The following OR1L8 variants were observed in gnomAD, a reference collection of about 807,000 sequenced individuals.
OR1L8 encodes olfactory receptor family 1 subfamily L member 8, also known as olfactory receptor 1L8.
For synonymous variants in OR1L8, 148 were observed against 147.0 expected, an observed-to-expected ratio of 1.01 and a Z score of -0.05; for missense variants, 330 against 377.4, an observed-to-expected ratio of 0.87 and a Z score of 1.04.
chr9:122,548,180 T>TA, the OR1L8 span, among the ~76,000 whole-genome samples: 4 of 152,308 alleles, frequency 2.6e-5, no homozygotes, highest in South Asian at 4.1e-4. Context: ...AGGATGCAGT[T>TA]AGAGTTTGAA....
chr9:122,582,593 A>C (rs1588222149), intron 1 of OR1L8, among the ~76,000 whole-genome samples: 1 of 151,940 alleles, frequency 6.6e-6, no homozygotes, highest in East Asian at 1.9e-4. Flanking sequence ...AGTAGTACAC[A>C]CCTGTAGTCC....
intron 4 of OR1L8, among the ~76,000 whole-genome samples, chr9:122,569,386 G>A (rs570818093): frequency 4.8e-5 from 6 of 126,084 alleles, no homozygotes; most frequent in African/African-American, 1.2e-4. Flanking sequence ...TTTTCATCCC[G>A]ATCCAGTTAC....
rs115732569 is a variant in OR1L8, at chr9:122,582,102, G to A, written c.-600+1219C>T. 7.5e-3 allele frequency among the ~76,000 whole-genome samples: 1,139 copies of A among 152,182 alleles called. 16 individuals are homozygous for A. Among genetic ancestry groups the A allele is most frequent in the African/African-American group, 0.025 (1,054 of 41,528 alleles). The stretch of plus-strand genomic sequence containing the variant: ...ATAGTGTAAGAATTATTTTTTTTAA[G>A]TCTAATTTATTTTTGGAGATAGCAA... On this transcript the variant is annotated intron_variant, in intron 1 of 4. Transcript: ENST00000641027.
At chr9:122,562,040 T>A in the OR1L8 span, among the ~76,000 whole-genome samples, 1 of 151,660 alleles carries the variant, frequency 6.6e-6, no homozygotes, top group East Asian at 1.9e-4. Flanking sequence ...CTGGCGGGAG[T>A]TGTTGGAGTT....
the OR1L8 span, chr9:122,553,457 C>T: frequency 2.5e-6 from 4 of 1,614,158 alleles, no homozygotes; most frequent in Non-Finnish European, 3.4e-6. Flanking sequence ...CCTCCATCCC[C>T]AAAATGCTGG....
chr9:122,553,048 C>G, the OR1L8 span: 1 of 725,150 alleles, frequency 1.4e-6, no homozygotes, highest in Non-Finnish European at 2.4e-6. Flanking sequence ...CTTGCATTCC[C>G]AGTGAGATTC....
Position 122,574,688 on chromosome 9 carries a change from C to A in OR1L8, c.-341-1780G>T, listed in dbSNP as rs575487582. Among the ~76,000 whole-genome samples the A allele has an allele frequency of 7.2e-5, 11 of 152,026 alleles. No individual in the cohort carries two copies. The East Asian group carries it at 2.1e-3, about 29-fold the overall frequency. On this transcript the variant is annotated intron_variant, in intron 3 of 4. Transcript: ENST00000641027. ...AATCTGTATATCTTTTATTACTATTCTTGTCTTATTGCATTAGGTAGGATT... is the reference window on the plus strand; with the variant it reads ...AATCTGTATATCTTTTATTACTATTATTGTCTTATTGCATTAGGTAGGATT...
In OR1L8 at chr9:122,567,965, G is replaced by A; in HGVS notation, c.513C>T (p.Asp171=). ...AGAGAAAGTGGTGGATAACATTGGAGTCACAGAAGGTGAGACGATTCAGCA... is the reference window on the plus strand; with the variant it reads ...AGAGAAAGTGGTGGATAACATTGGAATCACAGAAGGTGAGACGATTCAGCA... ...TLLLNRLTFC[D]SNVIHHFLCD... Residue 171 remains aspartate, a synonymous_variant, in exon 5 of 5, where the codon GAC becomes GAT. Transcript: ENST00000641027. 2 of 1,614,162 alleles carry A rather than the reference G, an allele frequency of 1.2e-6. No individual in the cohort carries two copies. Among genetic ancestry groups the A allele is most frequent in the Non-Finnish European group, 1.7e-6 (2 of 1,180,020 alleles).
intron 1 of OR1L8, among the ~76,000 whole-genome samples, chr9:122,580,670 C>T (rs1829728949): frequency 6.6e-6 from 1 of 152,138 alleles, no homozygotes; most frequent in African/African-American, 2.4e-5. Flanking sequence ...ATAACATACT[C>T]CCTACCCCAT....
At chr9:122,564,360 A>G (rs1829398390), downstream of OR1L8, among the ~76,000 whole-genome samples, 1 of 152,216 alleles carries the variant, frequency 6.6e-6, no homozygotes. Flanking sequence ...AGGCATACTT[A>G]GCACCTGGTA....
downstream of OR1L8, among the ~76,000 whole-genome samples, chr9:122,564,339 A>G (rs1829398118): frequency 2.0e-5 from 3 of 152,184 alleles, no homozygotes; most frequent in South Asian, 2.1e-4. Flanking sequence ...TCTAATATGC[A>G]TAATTAGAAT....
downstream of OR1L8, among the ~76,000 whole-genome samples, chr9:122,563,460 G>GT (rs1024268253): frequency 1.3e-4 from 20 of 152,034 alleles, no homozygotes; most frequent in African/African-American, 3.1e-4. Context: ...TCATTTATTT[G>GT]TTTTTTTGTT....
chr9:122,581,868 C>T (rs1242463842), intron 1 of OR1L8, among the ~76,000 whole-genome samples: 3 of 151,950 alleles, frequency 2.0e-5, no homozygotes, highest in African/African-American at 4.8e-5. Flanking sequence ...GCCGAGATCA[C>T]GACACTGCAC....
chr9:122,578,374 G>A lies in OR1L8; in HGVS notation c.-528C>T. The A allele has an allele frequency of 6.6e-6, 1 of 151,502 alleles. No homozygotes were observed. The highest frequency in any genetic ancestry group is 1.5e-5 in the Non-Finnish European group (1 of 67,970). The allele number at this position is 151,502 out of a possible 1,614,324, so 9.4% of individuals were successfully genotyped here. ...TGAGGCAGGAGAATAGCTTGAACCTGGGAGGCGGAGATTGCAGTGAGTTGA... is the reference window on the plus strand; with the variant it reads ...TGAGGCAGGAGAATAGCTTGAACCTAGGAGGCGGAGATTGCAGTGAGTTGA... On this transcript the variant is annotated 5_prime_UTR_variant, in exon 2 of 5. Coordinates refer to ENST00000641027, the MANE Select transcript of OR1L8 (RefSeq NM_001004454.2).
chr9:122,563,608 T>G (rs1269336609), downstream of OR1L8, among the ~76,000 whole-genome samples: 10 of 152,354 alleles, frequency 6.6e-5, no homozygotes, highest in Admixed American at 6.5e-4. Flanking sequence ...CAGATGCAAT[T>G]TAGTTTTATG....
intron 4 of OR1L8, among the ~76,000 whole-genome samples, chr9:122,571,178 C>T (rs1181135685): frequency 1.3e-5 from 2 of 152,142 alleles, no homozygotes; most frequent in Non-Finnish European, 2.9e-5. Context: ...GGGTGATTAC[C>T]AATCTTTCTG....
In OR1L8 at chr9:122,567,812, G is replaced by T; in HGVS notation, c.666C>A (p.Ile222=). The change falls in exon 5 of 5, where the codon ATC becomes ATA. Residue 222 remains isoleucine, a synonymous_variant. Transcript: ENST00000641027. ...FLCIAFSYIR[I]LTTVLKIPST... The stretch of plus-strand genomic sequence containing the variant: ...AGGGAATCTTGAGAACTGTAGTGAG[G>T]ATTCGTATATAAGAGAAAGCAATGC... The T allele has an allele frequency of 6.2e-7, 1 of 1,614,068 alleles. No homozygotes were observed. The highest frequency in any genetic ancestry group is 1.1e-5 in the South Asian group (1 of 91,074).
chr9:122,559,306 AT>A, the OR1L8 span, among the ~76,000 whole-genome samples: 1,162 of 150,818 alleles, frequency 7.7e-3, 17 homozygotes, highest in African/African-American at 0.027. Flanking sequence ...ATTTATTTTT[AT>A]TTTTTTTTAT....
At chr9:122,554,267 G>A in the OR1L8 span, 51 of 838,684 alleles carry the variant, frequency 6.1e-5, no homozygotes, top group South Asian at 7.3e-4. Flanking sequence ...AAGGTTATCC[G>A]TTGACTCTGA....
Sources: allele counts gnomAD v4.1 joint callset (sites outside exome capture counted in the v4.1 genomes callset), GRCh38; gene constraint gnomAD v4.1.1; transcripts MANE v1.5; gene names NCBI Gene and HGNC (gene_info 2026-07-23, HGNC 2026-07-21).